Variants in CA10 observed in about 807,000 individuals in gnomAD.
CA10 encodes the protein carbonic anhydrase 10 (inactive), also known as carbonic anhydrase-related protein 10.
In CA10, 14 loss-of-function variants were observed where a neutral mutation model predicts 44.2. The observed-to-expected ratio is 0.32, with a 90% CI of 0.21 to 0.50. The LOEUF (loss-of-function observed/expected upper bound fraction) is 0.50, where lower values mean the gene tolerates loss of function less well. Among genes scored for constraint, CA10 ranks in the 20% least tolerant of loss-of-function variants. The pLI, the probability that CA10 is intolerant of heterozygous loss-of-function variation, is 0.99. For synonymous variants in CA10, 159 were observed against 141.6 expected (o/e 1.12, Z -0.87); for missense variants, 350 against 409.7 (o/e 0.85, Z 1.26).
chr17:52,132,997 G>A (rs537008816), intron 1 of CA10, among the ~76,000 whole-genome samples: 3 of 152,262 alleles, frequency 2.0e-5, no homozygotes, highest in African/African-American at 7.2e-5. Flanking sequence ...AGGACCATGG[G>A]CAGGCTGAGT....
intron 3 of CA10, among the ~76,000 whole-genome samples, chr17:51,878,886 A>AGGG (rs1237295315): frequency 0.29 from 4,458 of 15,406 alleles, 699 homozygotes; most frequent in African/African-American, 0.43. Flanking sequence ...ATATATATAT[A>AGGG]TATATGGGTG....
intron 6 of CA10, among the ~76,000 whole-genome samples, chr17:51,641,376 G>A (rs1051232846): frequency 7.2e-5 from 11 of 152,094 alleles, no homozygotes; most frequent in African/African-American, 2.4e-4. Flanking sequence ...TGCATCTTCA[G>A]GTATTAAACA....
At chr17:52,080,322 G>A (rs1008719759) in intron 1 of CA10, among the ~76,000 whole-genome samples, 7 of 151,838 alleles carry the variant, frequency 4.6e-5, no homozygotes, top group Non-Finnish European at 8.8e-5. Context: ...CTTGGTGGCC[G>A]GCGCCTGTAG....
intron 4 of CA10, among the ~76,000 whole-genome samples, chr17:51,715,504 G>A (rs1277288915): frequency 6.6e-6 from 1 of 152,126 alleles, no homozygotes; most frequent in East Asian, 1.9e-4. Flanking sequence ...ATACAGGCAT[G>A]CAATGTGAAA....
intron 3 of CA10, among the ~76,000 whole-genome samples, chr17:51,820,404 T>TCCCCCCCCC (rs1567850403): frequency 4.6e-5 from 1 of 21,608 alleles, no homozygotes; most frequent in Non-Finnish European, 7.8e-5. Flanking sequence ...GGGATTCCCC[T>TCCCCCCCCC]ACCCCCCCCC....
intron 1 of CA10, among the ~76,000 whole-genome samples, chr17:52,087,017 A>G (rs1445039450): frequency 6.6e-6 from 1 of 152,148 alleles, no homozygotes; most frequent in East Asian, 1.9e-4. Flanking sequence ...CCTACAACCT[A>G]TCTCTTTCCC....
chr17:51,755,487 A>G (rs550910442), intron 3 of CA10, among the ~76,000 whole-genome samples: 2 of 152,298 alleles, frequency 1.3e-5, no homozygotes, highest in South Asian at 4.1e-4. Context: ...GAGGTTTCCG[A>G]TATGTTCTCT....
intron 1 of CA10, among the ~76,000 whole-genome samples, chr17:52,147,780 T>C (rs1044780771): frequency 6.6e-6 from 1 of 152,192 alleles, no homozygotes; most frequent in Non-Finnish European, 1.5e-5. Context: ...GGTCATACAA[T>C]AGAAACTTGA....
intron 1 of CA10, among the ~76,000 whole-genome samples, chr17:52,112,474 G>T (rs913322770): frequency 6.6e-6 from 1 of 152,164 alleles, no homozygotes; most frequent in African/African-American, 2.4e-5. Flanking sequence ...GACCACGCTG[G>T]CCACAATGCC....
At chr17:52,046,684 C>G (rs1475785245) in intron 2 of CA10, among the ~76,000 whole-genome samples, 5 of 151,710 alleles carry the variant, frequency 3.3e-5, no homozygotes, top group African/African-American at 1.2e-4. Flanking sequence ...CTTTCAGAAA[C>G]CAGACACAGA....
At chr17:52,009,130 C>G (rs1174128100) in intron 2 of CA10, among the ~76,000 whole-genome samples, 1 of 151,880 alleles carries the variant, frequency 6.6e-6, no homozygotes, top group Admixed American at 6.6e-5. Flanking sequence ...AAGAGTCAGC[C>G]TCCCTCTATT....
intron 3 of CA10, among the ~76,000 whole-genome samples, chr17:51,863,881 G>T (rs1301124888): frequency 6.6e-6 from 1 of 152,158 alleles, no homozygotes; most frequent in Non-Finnish European, 1.5e-5. Context: ...AACCGGGAAA[G>T]CTCACCTGAG....
chr17:51,712,786 C>A (rs147282731), intron 4 of CA10, among the ~76,000 whole-genome samples: 2 of 152,224 alleles, frequency 1.3e-5, no homozygotes, highest in Non-Finnish European at 2.9e-5. Context: ...GAGGTCTCTA[C>A]GCACAACACT....
At chr17:51,678,034 A>T (rs762371141) in intron 4 of CA10, among the ~76,000 whole-genome samples, 42 of 152,238 alleles carry the variant, frequency 2.8e-4, no homozygotes, top group Non-Finnish European at 5.6e-4. Flanking sequence ...TGGTATACCC[A>T]CAAAATGGAA....
chr17:51,717,648 C>T (rs377026409), intron 4 of CA10, among the ~76,000 whole-genome samples: 40 of 25,154 alleles, frequency 1.6e-3, no homozygotes, highest in Admixed American at 2.7e-3. Flanking sequence ...TGTATATATA[C>T]ATATATACGT....
intron 1 of CA10, among the ~76,000 whole-genome samples, chr17:52,099,910 C>T (rs1284900744): frequency 6.6e-6 from 1 of 152,146 alleles, no homozygotes; most frequent in Non-Finnish European, 1.5e-5. Context: ...CAAGGGAAAA[C>T]CCTCTAGATT....
intron 4 of CA10, among the ~76,000 whole-genome samples, chr17:51,692,625 C>G (rs372812035): frequency 7.9e-5 from 12 of 152,118 alleles, no homozygotes; most frequent in African/African-American, 2.4e-4. Flanking sequence ...TTCCAGCTCT[C>G]ATTTCTGTTT....
intron 1 of CA10, among the ~76,000 whole-genome samples, chr17:52,099,191 G>A (rs940891585): frequency 4.6e-5 from 7 of 152,092 alleles, no homozygotes; most frequent in African/African-American, 1.7e-4. Flanking sequence ...AAAATAGATG[G>A]TACTAGAATT....
intron 3 of CA10, among the ~76,000 whole-genome samples, chr17:51,877,583 C>A (rs889074504): frequency 6.6e-6 from 1 of 152,128 alleles, no homozygotes; most frequent in African/African-American, 2.4e-5. Context: ...GGCAATAAAT[C>A]AAATTCAAAG....
Sources: gnomAD v4.1 joint callset for allele counts (sites outside exome capture counted in the v4.1 genomes callset) on GRCh38, gnomAD v4.1.1 for gene constraint, MANE v1.5 for transcripts, NCBI Gene and HGNC (gene_info 2026-07-23, HGNC 2026-07-21) for gene names.